ABCA12: variants seen among roughly 807,000 people sequenced by gnomAD.
ABCA12 encodes the protein glucosylceramide transporter ABCA12.
A neutral mutation model predicts 293.5 loss-of-function variants in ABCA12; 156 were observed. The ratio of observed to expected loss-of-function variants is 0.53; its 90% confidence interval spans 0.47 to 0.61. The LOEUF is 0.61. Ranked by LOEUF, ABCA12 falls within the 20% of genes least tolerant of loss-of-function variation. The pLI is 0.00. For synonymous variants in ABCA12, 1,063 were observed against 1,108.0 expected, an observed-to-expected ratio of 0.96 and a Z score of 0.81; for missense variants, 2,797 against 3,090.2, an observed-to-expected ratio of 0.91 and a Z score of 2.25.
At chr2:215,130,957 G>T (rs867736846) in intron 1 of ABCA12, among the ~76,000 whole-genome samples, 1 of 151,542 alleles carries the variant, frequency 6.6e-6, no homozygotes, top group Non-Finnish European at 1.5e-5. Flanking sequence ...AATCACGAAA[G>T]GATGTTGGAT....
intron 2 of ABCA12, among the ~76,000 whole-genome samples, chr2:215,093,616 T>C (rs565800340): frequency 6.6e-6 from 1 of 152,370 alleles, no homozygotes; most frequent in South Asian, 2.1e-4. Context: ...GTGCGGCAGC[T>C]GCCGCTGCTT....
chr2:215,111,843 A>AT (rs1335923708), intron 1 of ABCA12, among the ~76,000 whole-genome samples, 153 bp from the exon 2 acceptor site: 1 of 152,280 alleles, frequency 6.6e-6, no homozygotes, highest in South Asian at 2.1e-4. Context: ...TGAATGAGAG[A>AT]TTTTTTTAAT....
chr2:215,058,149 T>C (rs548591115), intron 3 of ABCA12, among the ~76,000 whole-genome samples: 1 of 152,122 alleles, frequency 6.6e-6, no homozygotes, highest in South Asian at 2.1e-4. Context: ...ACATTTTTCC[T>C]TCAGCCTTCT....
chr2:215,133,511 C>T (rs958950051), intron 1 of ABCA12, among the ~76,000 whole-genome samples: 2 of 151,970 alleles, frequency 1.3e-5, no homozygotes, highest in Non-Finnish European at 2.9e-5. Context: ...AATCTCTTTG[C>T]TGTCCCAGGA....
At chr2:215,068,316 G>A (rs1244749739) in intron 2 of ABCA12, among the ~76,000 whole-genome samples, 2 of 152,152 alleles carry the variant, frequency 1.3e-5, no homozygotes, top group African/African-American at 4.8e-5. Context: ...CTTTTCATGA[G>A]AATCAGTAAA....
In ABCA12 at chr2:214,978,830, C is replaced by T. The variant is rs28940568; in HGVS notation, c.4951G>A (p.Gly1651Ser). ...GMGDLNIGCY[G>S]ISDTTVEEVF... ...TCCTCCACGGTGGTATCTGAAATGCCGTAGCACCCGATGTTGAGGTCACCC... is the reference window on the plus strand; with the variant it reads ...TCCTCCACGGTGGTATCTGAAATGCTGTAGCACCCGATGTTGAGGTCACCC... Residue 1651 changes from glycine (G) to serine (S), a missense_variant, in exon 32 of 53, where the codon GGC (glycine) becomes AGC (serine). Physicochemically the swap from Gly to Ser is moderately conservative, Grantham distance 56. Transcript: ENST00000272895. 5.6e-6 allele frequency: 9 copies of T among 1,613,888 alleles called. No individual in the cohort carries two copies. The African/African-American group carries it at 6.7e-5, about 12-fold the overall frequency.
At chr2:214,991,601 G>C (rs1312485964) in intron 23 of ABCA12, among the ~76,000 whole-genome samples, 1 of 152,102 alleles carries the variant, frequency 6.6e-6, no homozygotes, top group Non-Finnish European at 1.5e-5. Context: ...CCTGCCTTTA[G>C]CTATAGCCTT....
In ABCA12 at chr2:215,037,306, C is replaced by G. The variant is rs898071488; in HGVS notation, c.873-241G>C. ...TTTCTAAAACATCAGGAATCACCAG[C>G]CTTAAAGTAATGGAGCAAGGTTCCC... On this transcript the variant is annotated intron_variant, in intron 7 of 52. Transcript: ENST00000272895. 2.0e-5 allele frequency among the ~76,000 whole-genome samples: 3 copies of G among 152,094 alleles called. 1 individual carries two copies. Among genetic ancestry groups the G allele is most frequent in the African/African-American group, 7.2e-5 (3 of 41,408 alleles).
At chr2:215,064,244 C>T in intron 2 of ABCA12, 25 bp from the exon 3 acceptor site, 1 of 1,610,140 alleles carries the variant, frequency 6.2e-7, no homozygotes. Flanking sequence ...ACAGTCATTA[C>T]ATCAGTATGG....
chr2:215,132,315 G>A (rs111781808), intron 1 of ABCA12, among the ~76,000 whole-genome samples: 2 of 152,060 alleles, frequency 1.3e-5, no homozygotes, highest in Admixed American at 1.3e-4. Flanking sequence ...TTGATTATCT[G>A]TCTAGTAATA....
intron 23 of ABCA12, among the ~76,000 whole-genome samples, chr2:214,992,687 C>A (rs1699944670): frequency 6.6e-6 from 1 of 151,518 alleles, no homozygotes; most frequent in Non-Finnish European, 1.5e-5. Context: ...CATGGCAAAA[C>A]CCCATCTCTA....
In ABCA12 at chr2:214,976,043, T is replaced by G. The variant is rs1240048221; in HGVS notation, c.5129-6A>C. Reference sequence around the variant, plus strand: ...TCCTCTTGTCAGGATTTTGTCTGATTAAGAAAAAGAGATTGGATATGGTTC... The same window carrying G: ...TCCTCTTGTCAGGATTTTGTCTGATGAAGAAAAAGAGATTGGATATGGTTC... On this transcript the variant is annotated splice_polypyrimidine_tract_variant and splice_region_variant and intron_variant, in intron 33 of 52. Transcript: ENST00000272895. The G allele has an allele frequency of 6.2e-7, 1 of 1,613,976 alleles. No individual in the cohort carries two copies. Among genetic ancestry groups the G allele is most frequent in the Non-Finnish European group, 8.5e-7 (1 of 1,179,938 alleles).
At chr2:215,103,546 T>C (rs531902373) in intron 2 of ABCA12, among the ~76,000 whole-genome samples, 6 of 152,146 alleles carry the variant, frequency 3.9e-5, no homozygotes, top group Admixed American at 3.3e-4. Flanking sequence ...GCTGGGATTA[T>C]AGGCATGAGC....
At chr2:215,033,400 G>T (rs1177583943) in intron 8 of ABCA12, among the ~76,000 whole-genome samples, 1 of 152,044 alleles carries the variant, frequency 6.6e-6, no homozygotes, top group Non-Finnish European at 1.5e-5. Context: ...AATACTATGT[G>T]GTTATAGAGT....
chr2:215,030,704 C>T (rs1021501992), intron 9 of ABCA12, among the ~76,000 whole-genome samples: 10 of 151,970 alleles, frequency 6.6e-5, no homozygotes, highest in Non-Finnish European at 7.4e-5. Context: ...CCTGGGTCAG[C>T]CACCTTAGAG....
At chr2:215,017,795 A>C (rs1700538936) in intron 14 of ABCA12, 2 of 597,772 alleles carry the variant, frequency 3.3e-6, no homozygotes, top group Non-Finnish European at 5.7e-6. Flanking sequence ...AGGACAAGGA[A>C]AAATAAAGAG....
intron 7 of ABCA12, among the ~76,000 whole-genome samples, 161 bp from the exon 8 acceptor site, chr2:215,037,226 G>A (rs1392798617): frequency 2.0e-5 from 3 of 152,148 alleles, no homozygotes; most frequent in African/African-American, 7.2e-5. Context: ...GTCTGTTCAT[G>A]CACAAAATCT....
intron 2 of ABCA12, among the ~76,000 whole-genome samples, chr2:215,077,185 T>C (rs1701851030): frequency 6.6e-6 from 1 of 152,164 alleles, no homozygotes; most frequent in Admixed American, 6.5e-5. Context: ...TCTGATAAAG[T>C]TGGGCAGTAG....
intron 2 of ABCA12, among the ~76,000 whole-genome samples, chr2:215,067,981 G>A (rs1402410328): frequency 6.6e-6 from 1 of 152,154 alleles, no homozygotes; most frequent in African/African-American, 2.4e-5. Context: ...AAATAATTGT[G>A]ATATCAATGG....
Sources: gnomAD v4.1 joint callset for allele counts (sites outside exome capture counted in the v4.1 genomes callset) on GRCh38, gnomAD v4.1.1 for gene constraint, MANE v1.5 for transcripts, NCBI Gene and HGNC (gene_info 2026-07-23, HGNC 2026-07-21) for gene names.